CDH4: variants seen among roughly 807,000 people sequenced by gnomAD.
CDH4 encodes cadherin 4.
In CDH4, 33 loss-of-function variants were observed where a neutral mutation model predicts 86.0. The ratio of observed to expected loss-of-function variants is 0.38; its 90% CI spans 0.29 to 0.51. The LOEUF (loss-of-function observed/expected upper bound fraction) is 0.51. Ranked by LOEUF, CDH4 falls within the 20% of genes least tolerant of loss-of-function variation. The pLI is 0.86. For synonymous variants in CDH4, 555 were observed against 549.4 expected, an observed-to-expected ratio of 1.01 and a Z score of -0.14; for missense variants, 1,114 against 1,307.4, an observed-to-expected ratio of 0.85 and a Z score of 2.28.
chr20:61,590,999 C>T (rs2086515671), intron 2 of CDH4, among the ~76,000 whole-genome samples: 1 of 152,072 alleles, frequency 6.6e-6, no homozygotes, highest in Non-Finnish European at 1.5e-5. Context: ...CCTCAGAGGC[C>T]CAGGGAGATG....
intron 2 of CDH4, among the ~76,000 whole-genome samples, chr20:61,647,796 T>G: frequency 6.6e-6 from 1 of 151,968 alleles, no homozygotes; most frequent in African/African-American, 2.4e-5. Flanking sequence ...TCTGAATGGG[T>G]GTTTGCTTAG....
chr20:61,907,378 G>GCCTCAGCAAGGGCTGTCCTCTCA (rs549833619), intron 8 of CDH4, among the ~76,000 whole-genome samples: 180 of 152,306 alleles, frequency 1.2e-3, no homozygotes, highest in African/African-American at 4.1e-3. Flanking sequence ...TGTGGCCACA[G>GCCTCAGCAAGGGCTGTCCTCTCA]CCTCAGCAAG....
chr20:61,548,989 G>A (rs1168345137), intron 2 of CDH4, among the ~76,000 whole-genome samples: 2 of 151,992 alleles, frequency 1.3e-5, no homozygotes, highest in Non-Finnish European at 2.9e-5. Context: ...GTCTCGGGGG[G>A]AGAGGCGGGT....
intron 2 of CDH4, among the ~76,000 whole-genome samples, chr20:61,563,518 G>A (rs1422383616): frequency 1.3e-5 from 2 of 152,210 alleles, no homozygotes; most frequent in African/African-American, 4.8e-5. Flanking sequence ...CAGCAGGGGT[G>A]TGCAGGGTGG....
intron 5 of CDH4, among the ~76,000 whole-genome samples, chr20:61,845,717 C>G (rs983095574): frequency 6.6e-6 from 1 of 152,162 alleles, no homozygotes; most frequent in South Asian, 2.1e-4. Context: ...CCTGGTGAGG[C>G]GTTCAGCACA....
intron 2 of CDH4, among the ~76,000 whole-genome samples, chr20:61,642,639 T>C (rs893177604): frequency 6.6e-6 from 1 of 152,188 alleles, no homozygotes; most frequent in African/African-American, 2.4e-5. Context: ...TTGCTTTTGT[T>C]TCCTATTGTG....
rs1195705725 is a variant in CDH4 at position 61,254,948 on chromosome 20, G to A, written c.169+11G>A. 2 of 1,457,646 alleles carry A rather than the reference G, an allele frequency of 1.4e-6. No individual in the cohort carries two copies. The highest frequency in any genetic ancestry group is 1.4e-5 in the African/African-American group (1 of 71,996). The allele number at this position is 1,457,646 out of a possible 1,614,324, so 90.3% of individuals were successfully genotyped here. The stretch of plus-strand genomic sequence containing the variant: ...AAAAGCTACTTCAAGGTAAGGCGGG[G>A]TGTGGAGGGGTGGGAGTGAATTGCT... On this transcript the variant is annotated intron_variant, in intron 2 of 15. Coordinates refer to ENST00000614565, the MANE Select transcript of CDH4 (RefSeq NM_001794.5).
intron 2 of CDH4, among the ~76,000 whole-genome samples, chr20:61,683,606 G>A (rs771969416): frequency 1.3e-5 from 2 of 152,226 alleles, no homozygotes; most frequent in Admixed American, 1.3e-4. Flanking sequence ...TCAGAACCTT[G>A]TTGGTAGCTT....
rs2085564040 is a variant in CDH4, at chr20:61,480,726, C to T, written c.169+225789C>T. The stretch of plus-strand genomic sequence containing the variant: ...GGTAAGGCGTTGGAACGGCTGAGGC[C>T]TGTGGCCTGATGTTGCATTATCATT... On this transcript the variant is annotated intron_variant, in intron 2 of 15. Coordinates refer to ENST00000614565, the MANE Select transcript of CDH4 (RefSeq NM_001794.5). The surrounding 1 kb of genome is among the most constrained non-coding windows in gnomAD (Gnocchi z 5.2). Among the ~76,000 whole-genome samples, 2 of 152,246 alleles carry T rather than the reference C, an allele frequency of 1.3e-5. No individual in the cohort carries two copies. Among genetic ancestry groups the T allele is most frequent in the Admixed American group, 1.3e-4 (2 of 15,290 alleles).
intron 2 of CDH4, among the ~76,000 whole-genome samples, chr20:61,724,667 G>A (rs2088089052): frequency 1.3e-5 from 2 of 152,144 alleles, no homozygotes. Flanking sequence ...AGTCAAGATG[G>A]GAAGATTCTG....
intron 6 of CDH4, among the ~76,000 whole-genome samples, chr20:61,862,502 C>T (rs1039687935): frequency 2.6e-5 from 4 of 152,210 alleles, no homozygotes; most frequent in African/African-American, 4.8e-5. Flanking sequence ...GTCTGCCAGG[C>T]CCACTGTGAG....
In CDH4 at chr20:61,754,641, C is replaced by G. The variant is rs1231096871; in HGVS notation, c.396+10852C>G. Among the ~76,000 whole-genome samples, 1 of 150,064 alleles carries G rather than the reference C, an allele frequency of 6.7e-6. No homozygotes were observed. Among genetic ancestry groups the G allele is most frequent in the Non-Finnish European group, 1.5e-5 (1 of 67,436 alleles). ...ACGGCACACACACCACACACACACG[C>G]CCCACACACCACACGCACACACGCC... On this transcript the variant is annotated intron_variant, in intron 3 of 15. Coordinates refer to ENST00000614565, the MANE Select transcript of CDH4 (RefSeq NM_001794.5). This position sits in a 1 kb window ranked among gnomAD's most constrained non-coding sequence, Gnocchi z 4.7.
intron 2 of CDH4, among the ~76,000 whole-genome samples, chr20:61,452,838 A>G (rs1011272014): frequency 1.3e-5 from 2 of 152,200 alleles, no homozygotes; most frequent in Admixed American, 1.3e-4. Flanking sequence ...AGTGAGACAA[A>G]AACAGAAAAC....
At chr20:61,678,859 T>G (rs1297104683) in intron 2 of CDH4, among the ~76,000 whole-genome samples, 1 of 152,216 alleles carries the variant, frequency 6.6e-6, no homozygotes, top group Non-Finnish European at 1.5e-5. Context: ...GGATCCAGCA[T>G]GAGCTCCAAC....
intron 6 of CDH4, among the ~76,000 whole-genome samples, chr20:61,872,598 C>A (rs903835304): frequency 1.3e-5 from 2 of 152,198 alleles, no homozygotes; most frequent in African/African-American, 4.8e-5. Context: ...AGGGCACCAG[C>A]AGCTCTCCTC....
chr20:61,440,320 C>T (rs540593780), intron 2 of CDH4, among the ~76,000 whole-genome samples: 23 of 152,198 alleles, frequency 1.5e-4, no homozygotes, highest in African/African-American at 5.3e-4. Flanking sequence ...ATTCTAGACT[C>T]GTTTTTGCAA....
At chr20:61,584,446 G>A (rs1045711735) in intron 2 of CDH4, among the ~76,000 whole-genome samples, 7 of 151,870 alleles carry the variant, frequency 4.6e-5, no homozygotes, top group African/African-American at 1.5e-4. Flanking sequence ...AGCTCTTCTC[G>A]CCCTAACAGT....
chr20:61,296,958 T>C (rs2084358433), intron 2 of CDH4, among the ~76,000 whole-genome samples: 1 of 152,174 alleles, frequency 6.6e-6, no homozygotes, highest in Admixed American at 6.5e-5. Context: ...AGCTGCTGGC[T>C]CTGAGCGACA....
At chr20:61,598,596 C>T (rs1043069208) in intron 2 of CDH4, among the ~76,000 whole-genome samples, 2 of 152,196 alleles carry the variant, frequency 1.3e-5, no homozygotes, top group Admixed American at 6.5e-5. Context: ...TTTCCAGAAT[C>T]GCGTGTGGGG....
Sources: gnomAD v4.1 joint callset for allele counts (sites outside exome capture counted in the v4.1 genomes callset) on GRCh38, gnomAD v4.1.1 for gene constraint, Gnocchi (gnomAD v3.1) non-coding constraint, MANE v1.5 for transcripts, NCBI Gene and HGNC (gene_info 2026-07-23, HGNC 2026-07-21) for gene names.